SCIN: variants seen among roughly 807,000 people sequenced by gnomAD.
SCIN encodes adseverin.
SCIN carries 91 observed loss-of-function variants against 91.8 expected under a neutral mutation model. The ratio of observed to expected loss-of-function variants is 0.99; its 90% confidence interval spans 0.84 to 1.18. The LOEUF is 1.18. Among genes scored for constraint, SCIN ranks in the 50% most tolerant of loss-of-function variants. The pLI, the probability that SCIN is intolerant of heterozygous loss-of-function variation, is 0.00. For missense variants in SCIN, 1,087 were observed against 863.9 expected (o/e 1.26, Z -3.24); for synonymous variants, 367 against 312.6 (o/e 1.17, Z -1.84).
chr7:12,600,334 CA>C (rs1782932765), intron 3 of SCIN, among the ~76,000 whole-genome samples: 1 of 152,078 alleles, frequency 6.6e-6, no homozygotes, highest in South Asian at 2.1e-4. Context: ...AATACATTGA[CA>C]TTGGGGACTC....
chr7:12,609,780 G>A (rs775876324), intron 4 of SCIN, among the ~76,000 whole-genome samples: 10 of 152,024 alleles, frequency 6.6e-5, no homozygotes, highest in African/African-American at 2.4e-4. Context: ...CAGATGCTGT[G>A]TTGCTGAACT....
At chr7:12,606,571 T>C (rs1783083305) in intron 4 of SCIN, among the ~76,000 whole-genome samples, 1 of 152,218 alleles carries the variant, frequency 6.6e-6, no homozygotes, top group Non-Finnish European at 1.5e-5. Context: ...GGGAAAATTC[T>C]CATGGTATAA....
intron 11 of SCIN, among the ~76,000 whole-genome samples, chr7:12,642,230 G>A (rs1429666593): frequency 2.0e-5 from 3 of 151,844 alleles, no homozygotes; most frequent in Admixed American, 6.6e-5. Context: ...ACTTCTGTCC[G>A]GATCCTTCCC....
At chr7:12,576,591 C>A (rs1419104863) in intron 1 of SCIN, among the ~76,000 whole-genome samples, 1 of 152,126 alleles carries the variant, frequency 6.6e-6, no homozygotes, top group East Asian at 1.9e-4. Flanking sequence ...AATTAACATA[C>A]CTTGTCACTA....
chr7:12,627,282 A>G (rs849758), intron 8 of SCIN, among the ~76,000 whole-genome samples: 84,871 of 151,978 alleles, frequency 0.56, 24,369 homozygotes, highest in Admixed American at 0.67. Context: ...TCACCCTTCC[A>G]CTGCCTTGAG....
intron 10 of SCIN, among the ~76,000 whole-genome samples, chr7:12,639,394 A>G (rs1350515371): frequency 6.6e-6 from 1 of 152,218 alleles, no homozygotes; most frequent in East Asian, 1.9e-4. Context: ...GCCTCCCTAT[A>G]TGCAGGTATG....
At chr7:12,634,390 C>G (rs565352715) in intron 9 of SCIN, among the ~76,000 whole-genome samples, 2 of 151,590 alleles carry the variant, frequency 1.3e-5, no homozygotes, top group Non-Finnish European at 2.9e-5. Context: ...GAGGCTGAGG[C>G]AGGAGAATCA....
chr7:12,630,322 C>T (rs906873329), intron 9 of SCIN, among the ~76,000 whole-genome samples: 7 of 152,202 alleles, frequency 4.6e-5, no homozygotes, highest in African/African-American at 9.7e-5. Context: ...CCCACAAAGG[C>T]AGAACCTGCA....
intron 4 of SCIN, among the ~76,000 whole-genome samples, chr7:12,610,247 A>T (rs1298882274): frequency 6.6e-6 from 1 of 152,234 alleles, no homozygotes; most frequent in South Asian, 2.1e-4. Flanking sequence ...GTATTCAGCC[A>T]TTCTCTTGGA....
intron 2 of SCIN, among the ~76,000 whole-genome samples, chr7:12,580,577 C>G (rs1263236546): frequency 6.6e-6 from 1 of 152,174 alleles, no homozygotes; most frequent in Non-Finnish European, 1.5e-5. Context: ...CTGGCCAGCA[C>G]TCAACAACCA....
intron 11 of SCIN, 48 bp downstream of exon 11, chr7:12,640,565 A>G (rs1443410859): frequency 1.3e-6 from 2 of 1,495,080 alleles, no homozygotes; most frequent in African/African-American, 1.4e-5. Context: ...GGACTTCCCA[A>G]TGGACCTGAG....
At chr7:12,572,247 C>T (rs903693780) in intron 1 of SCIN, among the ~76,000 whole-genome samples, 14 of 152,164 alleles carry the variant, frequency 9.2e-5, no homozygotes, top group African/African-American at 3.4e-4. Flanking sequence ...TTTGTGTTAG[C>T]TTGAGGAGGC....
intron 15 of SCIN, 57 bp from the exon 16 acceptor site, chr7:12,652,531 G>T (rs762820872): frequency 1.3e-6 from 2 of 1,506,544 alleles, no homozygotes; most frequent in Non-Finnish European, 9.0e-7. Context: ...TCAATCTGCA[G>T]TTACTTTAGT....
intron 2 of SCIN, among the ~76,000 whole-genome samples, chr7:12,579,806 A>G (rs1320759913): frequency 6.6e-6 from 1 of 152,108 alleles, no homozygotes. Context: ...CCTAGCTACT[A>G]GGGAAGCTGA....
chr7:12,591,262 T>C (rs958387412), intron 3 of SCIN, among the ~76,000 whole-genome samples: 4 of 152,142 alleles, frequency 2.6e-5, no homozygotes, highest in Admixed American at 2.0e-4. Context: ...CATGGAGTAA[T>C]TGAATCCTGG....
Position 12,657,572 on chromosome 7 carries a change from A to ATTTTTTTTTTT in SCIN, c.*4873_*4883dup, listed in dbSNP as rs71030521. 1 of 22,084 alleles carries ATTTTTTTTTTT rather than the reference A, an allele frequency of 4.5e-5. No individual in the cohort carries two copies. Among genetic ancestry groups the ATTTTTTTTTTT allele is most frequent in the Non-Finnish European group, 1.3e-4 (1 of 7,720 alleles). 1.4% of individuals were successfully genotyped at this position (22,084 alleles called of 1,614,324 possible). The stretch of plus-strand genomic sequence containing the variant: ...TATATATATATATATATATATATAT[A>ATTTTTTTTTTT]TTTTTTTTTTTTTTTTTTTTTTTTT... On this transcript the variant is annotated 3_prime_UTR_variant, in exon 16 of 16. Transcript: ENST00000297029.
At chr7:12,644,051 T>A (rs1406765756) in intron 11 of SCIN, 87 bp from the exon 12 acceptor site, 1 of 1,220,522 alleles carries the variant, frequency 8.2e-7, no homozygotes, top group Non-Finnish European at 1.2e-6. Flanking sequence ...CGATGTATGG[T>A]TTGCCACAGT....
intron 4 of SCIN, among the ~76,000 whole-genome samples, chr7:12,621,232 G>C (rs953452818): frequency 7.2e-5 from 11 of 152,082 alleles, no homozygotes; most frequent in Non-Finnish European, 1.6e-4. Flanking sequence ...TTTGATAAAT[G>C]CTTAGTTGAG....
rs116276682 is a variant in SCIN, at chr7:12,609,183, C to T, written c.666+4520C>T. On this transcript the variant is annotated intron_variant, in intron 4 of 15. Coordinates refer to ENST00000297029, the MANE Select transcript of SCIN (RefSeq NM_001112706.3). ...ACACAACCATCATTAACAAGACTGT[C>T]TGGGGAAACAGGATGTGTGCTCACC... 7.9e-3 allele frequency among the ~76,000 whole-genome samples: 1,199 copies of T among 152,224 alleles called. 25 individuals are homozygous for T. The highest frequency in any genetic ancestry group is 0.028 in the African/African-American group (1,144 of 41,542).
Sources: allele counts gnomAD v4.1 joint callset (sites outside exome capture counted in the v4.1 genomes callset), GRCh38; gene constraint gnomAD v4.1.1; transcripts MANE v1.5; gene names NCBI Gene and HGNC (gene_info 2026-07-23, HGNC 2026-07-21).